Variants in DLC1 observed in about 807,000 individuals in gnomAD.
DLC1 encodes the protein rho GTPase-activating protein 7.
A neutral mutation model predicts 140.3 loss-of-function variants in DLC1; 54 were observed. The ratio of observed to expected loss-of-function variants is 0.38; its 90% CI spans 0.31 to 0.48. The LOEUF is 0.48. DLC1 is among the 20% of genes least tolerant of loss of function. DLC1 has a pLI of 0.96. For synonymous variants in DLC1, 986 were observed against 728.1 expected, an observed-to-expected ratio of 1.35 and a Z score of -5.70; for missense variants, 2,536 against 1,907.0, an observed-to-expected ratio of 1.33 and a Z score of -6.14.
At chr8:13,576,718 T>A (rs9325660) in intron 1 of DLC1, among the ~76,000 whole-genome samples, 19,430 of 152,110 alleles carry the variant, frequency 0.13, 1,337 homozygotes, top group South Asian at 0.19. Flanking sequence ...GTCAAATGAA[T>A]CTCCCCAGAG....
chr8:13,480,988 G>T (rs1217556017), intron 2 of DLC1, among the ~76,000 whole-genome samples: 1 of 152,176 alleles, frequency 6.6e-6, no homozygotes, highest in African/African-American at 2.4e-5. Flanking sequence ...AGGACCAAAG[G>T]CCAAGAGGCC....
chr8:13,582,835 C>T (rs183925363), intron 1 of DLC1, among the ~76,000 whole-genome samples: 20,746 of 134,810 alleles, frequency 0.15, 1,867 homozygotes, highest in African/African-American at 0.26. Context: ...TTTTTTTTTG[C>T]TTCCCAGTGC....
chr8:13,418,695 G>A (rs1050553807), intron 2 of DLC1, among the ~76,000 whole-genome samples: 13 of 152,034 alleles, frequency 8.6e-5, no homozygotes, highest in African/African-American at 2.7e-4. Flanking sequence ...TTGGCGATGC[G>A]GGCTCTTTTT....
intron 2 of DLC1, among the ~76,000 whole-genome samples, chr8:13,428,183 G>T (rs1838684757): frequency 6.6e-6 from 1 of 152,130 alleles, no homozygotes; most frequent in South Asian, 2.1e-4. Flanking sequence ...ACAGAGGAAT[G>T]GGAGGTGCAG....
chr8:13,099,200 T>C (rs1818764019), intron 9 of DLC1, 147 bp downstream of exon 9: 2 of 1,437,404 alleles, frequency 1.4e-6, no homozygotes, highest in Admixed American at 2.9e-5. Context: ...CTTTGAATTT[T>C]GGTGCTTCCT....
At chr8:13,376,109 C>G (rs1199964857) in intron 4 of DLC1, among the ~76,000 whole-genome samples, 2 of 152,166 alleles carry the variant, frequency 1.3e-5, no homozygotes, top group Non-Finnish European at 2.9e-5. Context: ...GTGGCATCCG[C>G]TAGCTGAAGA....
intron 1 of DLC1, among the ~76,000 whole-genome samples, chr8:13,542,504 T>G (rs1011499521): frequency 1.3e-5 from 2 of 152,142 alleles, no homozygotes. Context: ...CTAATCTAGG[T>G]CCTTTGAATT....
chr8:13,190,932 T>G (rs1368770818), intron 5 of DLC1, among the ~76,000 whole-genome samples: 1 of 151,756 alleles, frequency 6.6e-6, no homozygotes, highest in Non-Finnish European at 1.5e-5. Flanking sequence ...TTCATTGGCC[T>G]GAGGAAAAAT....
chr8:13,500,272 C>G (rs980981881), intron 1 of DLC1, 76 bp from the exon 2 acceptor site: 10 of 502,232 alleles, frequency 2.0e-5, no homozygotes, highest in Non-Finnish European at 2.8e-5. Flanking sequence ...AAAGAGAAAA[C>G]TTAATCTATG....
At chr8:13,449,087 C>A (rs1015924221) in intron 2 of DLC1, among the ~76,000 whole-genome samples, 2 of 152,190 alleles carry the variant, frequency 1.3e-5, no homozygotes, top group African/African-American at 4.8e-5. Context: ...AAGCCACAAT[C>A]ATTCCAGAGG....
At chr8:13,509,074 G>A (rs1364820124) in intron 1 of DLC1, among the ~76,000 whole-genome samples, 1 of 152,160 alleles carries the variant, frequency 6.6e-6, no homozygotes, top group African/African-American at 2.4e-5. Flanking sequence ...TGATTGAAAT[G>A]TGGTTTGCTG....
intron 2 of DLC1, among the ~76,000 whole-genome samples, chr8:13,422,797 C>G (rs1198185608): frequency 7.1e-6 from 1 of 141,536 alleles, no homozygotes; most frequent in Non-Finnish European, 1.6e-5. Context: ...AAACAACCAG[C>G]TAAAAAAAAA....
At chr8:13,110,610 G>A (rs1820006641) in intron 7 of DLC1, 132 bp downstream of exon 7, 1 of 808,158 alleles carries the variant, frequency 1.2e-6, no homozygotes, top group Non-Finnish European at 2.0e-6. Context: ...AAAGGTCTAT[G>A]ATCACTCTAT....
chr8:13,445,349 A>T (rs1367945015), intron 2 of DLC1, among the ~76,000 whole-genome samples: 1 of 152,196 alleles, frequency 6.6e-6, no homozygotes, highest in Non-Finnish European at 1.5e-5. Flanking sequence ...TGAGGAAGGA[A>T]GCAGGAAACT....
intron 2 of DLC1, among the ~76,000 whole-genome samples, chr8:13,444,961 A>G (rs897669874): frequency 6.6e-6 from 1 of 152,156 alleles, no homozygotes; most frequent in Non-Finnish European, 1.5e-5. Context: ...GTAGGAAAGA[A>G]AGGGAGGGAA....
intron 4 of DLC1, among the ~76,000 whole-genome samples, chr8:13,312,968 A>T (rs1438779019): frequency 2.0e-5 from 3 of 152,170 alleles, no homozygotes; most frequent in African/African-American, 7.2e-5. Flanking sequence ...TTGTTGGATG[A>T]TGTCAACTAG....
chr8:13,447,879 C>T (rs1054274377), intron 2 of DLC1, among the ~76,000 whole-genome samples: 4 of 151,902 alleles, frequency 2.6e-5, no homozygotes, highest in African/African-American at 9.7e-5. Context: ...CATAAAAATA[C>T]CCTGTCTCTA....
intron 5 of DLC1, among the ~76,000 whole-genome samples, chr8:13,276,070 C>A (rs1429402779): frequency 6.6e-6 from 1 of 152,160 alleles, no homozygotes; most frequent in Non-Finnish European, 1.5e-5. Flanking sequence ...AACAAACACA[C>A]AAAAATCTCA....
intron 4 of DLC1, among the ~76,000 whole-genome samples, chr8:13,387,433 G>C (rs968782475): frequency 6.6e-6 from 1 of 151,774 alleles, no homozygotes; most frequent in Non-Finnish European, 1.5e-5. Flanking sequence ...CTAAAAATTT[G>C]CCTTTAAATT....
Sources: gnomAD v4.1 joint callset for allele counts (sites outside exome capture counted in the v4.1 genomes callset) on GRCh38, gnomAD v4.1.1 for gene constraint, MANE v1.5 for transcripts, NCBI Gene and HGNC (gene_info 2026-07-23, HGNC 2026-07-21) for gene names.